PTPRK: variants seen among roughly 807,000 people sequenced by gnomAD.
PTPRK encodes protein tyrosine phosphatase receptor type K.
PTPRK carries 75 observed loss-of-function variants against 178.0 expected under a neutral mutation model. The ratio of observed to expected loss-of-function variants is 0.42; its 90% CI spans 0.35 to 0.51. PTPRK has a LOEUF of 0.51. PTPRK is among the 20% of genes least tolerant of loss of function. The pLI is 0.02. For missense variants in PTPRK, 1,441 were observed against 1,797.8 expected, an observed-to-expected ratio of 0.80 and a Z score of 3.59; for synonymous variants, 637 against 620.6, an observed-to-expected ratio of 1.03 and a Z score of -0.39.
intron 13 of PTPRK, among the ~76,000 whole-genome samples, chr6:128,057,750 C>T (rs748401272): frequency 4.6e-5 from 7 of 152,166 alleles, no homozygotes; most frequent in Non-Finnish European, 8.8e-5. Flanking sequence ...GGACAACTCA[C>T]AGGATGACTG....
chr6:128,135,865 C>A (rs907353295), intron 7 of PTPRK, among the ~76,000 whole-genome samples: 4 of 151,230 alleles, frequency 2.6e-5, no homozygotes, highest in Non-Finnish European at 4.4e-5. Flanking sequence ...TAAAAAAAAA[C>A]AAGAAAAGAA....
chr6:128,005,537 G>A (rs1466175473), intron 14 of PTPRK, among the ~76,000 whole-genome samples: 2 of 149,744 alleles, frequency 1.3e-5, no homozygotes, highest in African/African-American at 4.9e-5. Context: ...TTTATTAAAA[G>A]CAAAATAAAT....
intron 3 of PTPRK, among the ~76,000 whole-genome samples, chr6:128,284,878 CT>C (rs1822219310): frequency 6.6e-6 from 1 of 152,124 alleles, no homozygotes; most frequent in Non-Finnish European, 1.5e-5. Context: ...ACTTTAAAAA[CT>C]TTAATTTGTT....
At chr6:127,999,919 T>A (rs753366899) in intron 15 of PTPRK, 1 of 886,460 alleles carries the variant, frequency 1.1e-6, no homozygotes, top group African/African-American at 1.8e-5. Flanking sequence ...TGTTATTAGC[T>A]TAAAAAGAAA....
intron 2 of PTPRK, among the ~76,000 whole-genome samples, chr6:128,370,968 C>T (rs1025690340): frequency 6.6e-6 from 1 of 152,104 alleles, no homozygotes; most frequent in Admixed American, 6.6e-5. Flanking sequence ...TATTGTTTCA[C>T]TATACTTGAA....
chr6:128,110,342 C>G (rs1216534530), intron 7 of PTPRK, among the ~76,000 whole-genome samples: 1 of 152,094 alleles, frequency 6.6e-6, no homozygotes, highest in African/African-American at 2.4e-5. Flanking sequence ...TAGACATTGT[C>G]TAATGTCAAG....
In PTPRK at chr6:128,194,064, A is replaced by AT. The variant is rs1554338897; in HGVS notation, c.869-9340dup. On this transcript the variant is annotated intron_variant, in intron 6 of 29. Transcript: ENST00000368226. The stretch of plus-strand genomic sequence containing the variant: ...ATAAATCGCAATAATATTTATATAT[A>AT]TATTATTATTATTATTATTATTATT... Among the ~76,000 whole-genome samples, 762 of 137,548 alleles carry AT rather than the reference A, an allele frequency of 5.5e-3. 7 individuals carry two copies. The highest frequency in any genetic ancestry group is 0.017 in the African/African-American group (624 of 36,656). 90.2% of individuals were successfully genotyped at this position (137,548 alleles called of 152,430 possible). A position where few individuals can be genotyped will look rare whatever the true frequency, so the allele number is the denominator to read the frequency against.
intron 3 of PTPRK, among the ~76,000 whole-genome samples, chr6:128,298,365 T>C (rs1318402785): frequency 6.6e-5 from 10 of 151,794 alleles, no homozygotes; most frequent in African/African-American, 9.7e-5. Context: ...GGGAATCCTC[T>C]GTAGCTCATT....
At position 128,520,277 on chromosome 6, in the gene PTPRK, G is replaced by C. The variant is rs771678013; in HGVS notation, c.82C>G (p.Gln28Glu). 3 of 1,603,584 alleles carry C rather than the reference G, an allele frequency of 1.9e-6. No homozygotes were observed. Among genetic ancestry groups the C allele is most frequent in the Admixed American group, 1.7e-5 (1 of 58,904 alleles). Reference sequence around the variant, plus strand: ...CACTCACCTGCGGAGAACTGGCCTTGGGCCGATCCCAGGAGAGGCCAAGGA... The same window carrying C: ...CACTCACCTGCGGAGAACTGGCCTTCGGCCGATCCCAGGAGAGGCCAAGGA... The part of the protein sequence containing the change: ...LSPWPLLGSA[Q>E]GQFSAGGCTF... Residue 28 changes from glutamine to glutamate, a missense_variant, in exon 1 of 30, where the codon CAA becomes GAA. Coordinates refer to ENST00000368226, the MANE Select transcript of PTPRK (RefSeq NM_002844.4).
chr6:128,292,191 G>A (rs566134800), intron 3 of PTPRK, among the ~76,000 whole-genome samples: 2 of 151,898 alleles, frequency 1.3e-5, no homozygotes, highest in East Asian at 3.8e-4. Flanking sequence ...TTTGCTCATA[G>A]AAAAATAAAA....
intron 3 of PTPRK, among the ~76,000 whole-genome samples, chr6:128,266,902 T>C (rs1340885844): frequency 6.6e-6 from 1 of 152,128 alleles, no homozygotes; most frequent in African/African-American, 2.4e-5. Flanking sequence ...GAGTAATTTC[T>C]GAAAAACAAA....
At chr6:128,418,377 C>A (rs904467491) in intron 1 of PTPRK, among the ~76,000 whole-genome samples, 21 of 152,200 alleles carry the variant, frequency 1.4e-4, no homozygotes, top group African/African-American at 4.6e-4. Context: ...AGGAACCCGG[C>A]TGCACAGCAG....
intron 6 of PTPRK, among the ~76,000 whole-genome samples, chr6:128,196,622 T>G (rs773904693): frequency 2.0e-5 from 3 of 152,068 alleles, no homozygotes; most frequent in Admixed American, 6.6e-5. Context: ...TAATCCAACA[T>G]GCACAGCAAG....
chr6:128,235,866 CTCATTATGAGTTATTTTA>C (rs1172902047), intron 5 of PTPRK, among the ~76,000 whole-genome samples: 1 of 152,018 alleles, frequency 6.6e-6, no homozygotes, highest in Admixed American at 6.6e-5. Context: ...CTCACTTATT[CTCATTATGAGTTATTTTA>C]TCATTTCACT....
At chr6:128,155,788 C>T (rs950602207) in intron 7 of PTPRK, among the ~76,000 whole-genome samples, 2 of 151,774 alleles carry the variant, frequency 1.3e-5, no homozygotes, top group African/African-American at 4.8e-5. Flanking sequence ...AGCTTTGATA[C>T]CTTCCTTATT....
intron 3 of PTPRK, among the ~76,000 whole-genome samples, chr6:128,294,068 T>C (rs536043614): frequency 3.9e-5 from 6 of 152,270 alleles, no homozygotes; most frequent in African/African-American, 1.2e-4. Flanking sequence ...TCCATCATAT[T>C]ACATATTTTT....
chr6:128,499,305 A>G (rs1216560407), intron 1 of PTPRK, among the ~76,000 whole-genome samples: 7 of 152,224 alleles, frequency 4.6e-5, no homozygotes, highest in Non-Finnish European at 1.0e-4. Flanking sequence ...TTAAAAGACA[A>G]TCCAGTCTTC....
At chr6:128,301,068 T>C (rs368902667) in intron 3 of PTPRK, among the ~76,000 whole-genome samples, 4 of 152,138 alleles carry the variant, frequency 2.6e-5, no homozygotes, top group South Asian at 2.1e-4. Flanking sequence ...CTTTGACCCA[T>C]TGTTACATTT....
At chr6:128,467,450 C>A (rs1850006278) in intron 1 of PTPRK, among the ~76,000 whole-genome samples, 1 of 152,190 alleles carries the variant, frequency 6.6e-6, no homozygotes, top group African/African-American at 2.4e-5. Context: ...GATATCCACT[C>A]CCAGAAGAAC....
Sources: allele counts gnomAD v4.1 joint callset (sites outside exome capture counted in the v4.1 genomes callset), GRCh38; gene constraint gnomAD v4.1.1; transcripts MANE v1.5; gene names NCBI Gene and HGNC (gene_info 2026-07-23, HGNC 2026-07-21).